EPHA3: variants seen among roughly 807,000 people sequenced by gnomAD.
EPHA3 encodes ephrin type-A receptor 3.
EPHA3 carries 42 observed loss-of-function variants against 107.1 expected under a neutral mutation model. That is an observed-to-expected ratio of 0.39 (90% CI 0.31 to 0.51). EPHA3 has a LOEUF of 0.51. Ranked by LOEUF, EPHA3 falls within the 20% of genes least tolerant of loss-of-function variation. The probability of loss-of-function intolerance (pLI) is 0.78; values close to 1 mark genes in which losing one functional copy is unlikely to be tolerated. For synonymous variants in EPHA3, 461 were observed against 424.8 expected (o/e 1.09, Z -1.05); for missense variants, 1,183 against 1,211.2 (o/e 0.98, Z 0.35).
chr3:89,313,280 A>G (rs2107365035), intron 3 of EPHA3, among the ~76,000 whole-genome samples: 1 of 152,000 alleles, frequency 6.6e-6, no homozygotes, highest in Middle Eastern at 3.4e-3. Context: ...TGATTTTTAA[A>G]TTTAATCTGA....
At chr3:89,136,330 C>CTTTTTTGTTTTTTTTT (rs1704310287) in intron 2 of EPHA3, among the ~76,000 whole-genome samples, 1 of 23,370 alleles carries the variant, frequency 4.3e-5, no homozygotes, top group Non-Finnish European at 7.8e-5. Context: ...ATCTTACAGG[C>CTTTTTTGTTTTTTTTT]TTTTTTTTTT....
In EPHA3 at chr3:89,140,930, G is replaced by T. The variant is rs115386108; in HGVS notation, c.153+13657G>T. On this transcript the variant is annotated intron_variant, in intron 2 of 16. Coordinates refer to ENST00000336596, the MANE Select transcript of EPHA3 (RefSeq NM_005233.6). The stretch of plus-strand genomic sequence containing the variant: ...TACAATAGCTAATATTTCTCTAAAG[G>T]GCTATATACTATTCCTAGTGCTTTC... 1.8e-3 allele frequency among the ~76,000 whole-genome samples: 267 copies of T among 151,580 alleles called. 1 individual carries two copies. Among genetic ancestry groups the T allele is most frequent in the African/African-American group, 5.9e-3 (245 of 41,416 alleles).
chr3:89,370,307 C>A (rs932541029), intron 5 of EPHA3, among the ~76,000 whole-genome samples: 1 of 151,678 alleles, frequency 6.6e-6, no homozygotes, highest in Non-Finnish European at 1.5e-5. Context: ...CACATATACA[C>A]CATGGAATAC....
intron 3 of EPHA3, among the ~76,000 whole-genome samples, chr3:89,285,186 T>C (rs1170165481): frequency 6.6e-6 from 1 of 152,146 alleles, no homozygotes; most frequent in Non-Finnish European, 1.5e-5. Context: ...GTTTAATGGC[T>C]GACAGTTTTA....
chr3:89,231,354 A>G (rs1051710643), intron 3 of EPHA3, among the ~76,000 whole-genome samples: 1 of 152,170 alleles, frequency 6.6e-6, no homozygotes, highest in Non-Finnish European at 1.5e-5. Context: ...CTAAATATGT[A>G]TGTATCTAAA....
intron 3 of EPHA3, among the ~76,000 whole-genome samples, chr3:89,325,436 C>T (rs1004299546): frequency 6.6e-5 from 10 of 152,148 alleles, no homozygotes; most frequent in African/African-American, 2.4e-4. Flanking sequence ...TGGTGTACCT[C>T]ATGCGTGAAA....
At chr3:89,169,243 GT>G (rs367865177) in intron 2 of EPHA3, among the ~76,000 whole-genome samples, 3,775 of 151,138 alleles carry the variant, frequency 0.025, 94 homozygotes, top group South Asian at 0.061. Context: ...AATTATACAT[GT>G]TTTTTTTTCT....
At chr3:89,330,264 A>G (rs990236335) in intron 3 of EPHA3, among the ~76,000 whole-genome samples, 1 of 151,798 alleles carries the variant, frequency 6.6e-6, no homozygotes, top group African/African-American at 2.4e-5. Context: ...AATTACACTA[A>G]CTCTTACTTT....
chr3:89,440,446 G>A (rs139796497), intron 13 of EPHA3, among the ~76,000 whole-genome samples: 23 of 152,204 alleles, frequency 1.5e-4, no homozygotes, highest in Non-Finnish European at 2.4e-4. Context: ...GAAACATTTG[G>A]CAGCTATGTG....
intron 1 of EPHA3, 39 bp from the exon 2 acceptor site, chr3:89,127,170 C>A (rs1355494211): frequency 6.8e-7 from 1 of 1,474,174 alleles, no homozygotes; most frequent in Non-Finnish European, 9.5e-7. Context: ...AAATAATTCA[C>A]TGTTATTAAC....
chr3:89,185,785 A>C (rs533660696), intron 2 of EPHA3, among the ~76,000 whole-genome samples: 1 of 152,062 alleles, frequency 6.6e-6, no homozygotes, highest in East Asian at 1.9e-4. Flanking sequence ...ATTTAGGTTT[A>C]ACATTCTATT....
At chr3:89,259,363 A>G (rs1264771256) in intron 3 of EPHA3, among the ~76,000 whole-genome samples, 1 of 152,168 alleles carries the variant, frequency 6.6e-6, no homozygotes, top group Non-Finnish European at 1.5e-5. Context: ...TTTGGCTAAA[A>G]TGAATTTTGT....
chr3:89,394,956 A>G (rs999910630), intron 5 of EPHA3, among the ~76,000 whole-genome samples: 6 of 152,202 alleles, frequency 3.9e-5, no homozygotes, highest in African/African-American at 1.4e-4. Flanking sequence ...TACTTTGATG[A>G]TAGTATGCAT....
intron 2 of EPHA3, among the ~76,000 whole-genome samples, chr3:89,165,112 G>T (rs1488051296): frequency 2.6e-5 from 4 of 152,158 alleles, no homozygotes; most frequent in Non-Finnish European, 4.4e-5. Context: ...TAATACAGGA[G>T]ACATTTTGTA....
At position 89,257,985 on chromosome 3, in the gene EPHA3, T is replaced by C. The variant is rs372022758; in HGVS notation, c.814+47465T>C. On this transcript the variant is annotated intron_variant, in intron 3 of 16. Transcript: ENST00000336596. ...AAAATTAATTACAAAGAGAATAAAC[T>C]ATCTTTAAAAGCGAAAGATTTAATG... Among the ~76,000 whole-genome samples the C allele has an allele frequency of 2.4e-4, 36 of 152,304 alleles. 1 individual carries two copies. The highest frequency in any genetic ancestry group is 8.4e-4 in the African/African-American group (35 of 41,582).
chr3:89,277,272 A>G (rs1257506731), intron 3 of EPHA3, among the ~76,000 whole-genome samples: 5 of 152,154 alleles, frequency 3.3e-5, no homozygotes, highest in Admixed American at 1.3e-4. Flanking sequence ...TGGGAGAAAT[A>G]TACGTTTAAA....
Position 89,475,461 on chromosome 3 carries a change from C to T in EPHA3, c.2846+2842C>T, listed in dbSNP as rs538750461. ...ATTCAAATGCATATTAATTTATTTTCGTTAGTTTAGAGATTTCATTGACAT... is the reference window on the plus strand; with the variant it reads ...ATTCAAATGCATATTAATTTATTTTTGTTAGTTTAGAGATTTCATTGACAT... On this transcript the variant is annotated intron_variant, in intron 16 of 16. Transcript: ENST00000336596. 3.9e-5 allele frequency among the ~76,000 whole-genome samples: 6 copies of T among 152,250 alleles called. No individual in the cohort carries two copies. In the East Asian group the frequency reaches 5.8e-4, roughly 15 times the overall value.
intron 1 of EPHA3, among the ~76,000 whole-genome samples, chr3:89,121,239 AAAATAAAT>A (rs10699426): frequency 6.6e-6 from 1 of 151,098 alleles, no homozygotes; most frequent in Non-Finnish European, 1.5e-5. Context: ...CCGTCTCAAA[AAAATAAAT>A]AAATAAATAA....
chr3:89,427,925 G>A (rs1305039019), intron 11 of EPHA3, among the ~76,000 whole-genome samples: 1 of 151,462 alleles, frequency 6.6e-6, no homozygotes, highest in Non-Finnish European at 1.5e-5. Flanking sequence ...TTTTTAAAAT[G>A]TTAGTTTTAC....
Sources: gnomAD v4.1 joint callset for allele counts (sites outside exome capture counted in the v4.1 genomes callset) on GRCh38, gnomAD v4.1.1 for gene constraint, MANE v1.5 for transcripts, NCBI Gene and HGNC (gene_info 2026-07-23, HGNC 2026-07-21) for gene names.